The following IGFBP2 variants were observed in gnomAD, a reference collection of about 807,000 sequenced individuals.
IGFBP2 encodes the protein insulin like growth factor binding protein 2.
Under a neutral mutation model 26.2 loss-of-function variants are expected in IGFBP2, and 12 were observed. The ratio of observed to expected loss-of-function variants is 0.46; its 90% CI spans 0.29 to 0.74. The LOEUF (loss-of-function observed/expected upper bound fraction) is 0.74, where lower values mean the gene tolerates loss of function less well. Among genes scored for constraint, IGFBP2 ranks in the 30% least tolerant of loss-of-function variants. IGFBP2 has a pLI of 0.09. For missense variants in IGFBP2, 328 were observed against 441.2 expected, an observed-to-expected ratio of 0.74 and a Z score of 2.30; for synonymous variants, 189 against 200.6, an observed-to-expected ratio of 0.94 and a Z score of 0.49.
intron 1 of IGFBP2, among the ~76,000 whole-genome samples, chr2:216,656,838 G>A (rs1286967206): frequency 6.6e-6 from 1 of 152,210 alleles, no homozygotes; most frequent in Non-Finnish European, 1.5e-5. Context: ...ACAGATTGGA[G>A]AGTTCCAGAA....
intron 1 of IGFBP2, among the ~76,000 whole-genome samples, chr2:216,659,193 C>T (rs1327293081): frequency 1.3e-5 from 2 of 152,206 alleles, no homozygotes; most frequent in Non-Finnish European, 2.9e-5. Context: ...CTGGGCACGC[C>T]TTGACAGCAG....
intron 2 of IGFBP2, 63 bp downstream of exon 2, chr2:216,660,849 A>C: frequency 7.7e-7 from 1 of 1,304,376 alleles, no homozygotes; most frequent in Non-Finnish European, 1.1e-6. Flanking sequence ...TCTCAGCTGG[A>C]GGAGGGCATC....
At chr2:216,663,909 G>T in intron 3 of IGFBP2, 31 bp from the exon 4 acceptor site, 2 of 1,593,994 alleles carry the variant, frequency 1.3e-6, no homozygotes, top group Non-Finnish European at 1.7e-6. Flanking sequence ...CTGGCTGCGG[G>T]CTCCTCCATG....
rs373591856 is a variant in IGFBP2, at chr2:216,663,801, G to A, written c.814-139G>A. 8.9e-4 allele frequency: 684 copies of A among 765,002 alleles called. 11 individuals are homozygous for A. In the South Asian group the frequency reaches 0.011, roughly 12 times the overall value. 47.4% of individuals were successfully genotyped at this position (765,002 alleles called of 1,614,324 possible). ...CTGCATTTTATCAAGGTTTCCTGGC[G>A]CATATTTGAAGTTGCGAAGCTCCAC... On this transcript the variant is annotated intron_variant, in intron 3 of 3. Coordinates refer to ENST00000233809, the MANE Select transcript of IGFBP2 (RefSeq NM_000597.3).
chr2:216,649,578 A>C (rs986986715), intron 1 of IGFBP2, among the ~76,000 whole-genome samples: 1 of 152,176 alleles, frequency 6.6e-6, no homozygotes, highest in Admixed American at 6.5e-5. Context: ...AATGTTTGGG[A>C]CCCGTGGAAA....
In IGFBP2 at chr2:216,647,721, C is replaced by T. The variant is rs747940767; in HGVS notation, c.443-12836C>T. 1.6e-4 allele frequency among the ~76,000 whole-genome samples: 25 copies of T among 152,238 alleles called. No homozygotes were observed. The South Asian group carries it at 1.7e-3, about 10-fold the overall frequency. On this transcript the variant is annotated intron_variant, in intron 1 of 3. Coordinates refer to ENST00000233809, the MANE Select transcript of IGFBP2 (RefSeq NM_000597.3). The stretch of plus-strand genomic sequence containing the variant: ...TTTTTTAGTAGAGACGGGGTTTCAC[C>T]ATGTTAGCCAGGATGGTCTCGATTT...
At chr2:216,646,923 AGC>A in intron 1 of IGFBP2, among the ~76,000 whole-genome samples, 1 of 152,204 alleles carries the variant, frequency 6.6e-6, no homozygotes, top group East Asian at 1.9e-4. Flanking sequence ...ACATTAATTG[AGC>A]ACATGCTGTG....
At chr2:216,639,131 C>T (rs371576425) in intron 1 of IGFBP2, among the ~76,000 whole-genome samples, 17 of 149,728 alleles carry the variant, frequency 1.1e-4, no homozygotes, top group African/African-American at 4.2e-4. Context: ...TTCCTGGGTT[C>T]ACGCCATTGT....
At chr2:216,660,900 C>T (rs1383689884) in intron 2 of IGFBP2, 114 bp downstream of exon 2, 1 of 765,664 alleles carries the variant, frequency 1.3e-6, no homozygotes, top group East Asian at 2.7e-5. Context: ...AGGCAAAGCA[C>T]TTTTCTTTCC....
intron 1 of IGFBP2, among the ~76,000 whole-genome samples, chr2:216,644,581 A>G (rs1343313475): frequency 6.6e-6 from 1 of 152,088 alleles, no homozygotes; most frequent in East Asian, 1.9e-4. Flanking sequence ...GGAGTGATTC[A>G]GGTTGGACTC....
At chr2:216,653,803 T>A (rs1371342186) in intron 1 of IGFBP2, among the ~76,000 whole-genome samples, 1 of 152,144 alleles carries the variant, frequency 6.6e-6, no homozygotes, top group Non-Finnish European at 1.5e-5. Flanking sequence ...AAGCTTGACC[T>A]TCTATATGTG....
At chr2:216,635,124 G>A (rs1360586272) in intron 1 of IGFBP2, among the ~76,000 whole-genome samples, 1 of 151,974 alleles carries the variant, frequency 6.6e-6, no homozygotes, top group African/African-American at 2.4e-5. Flanking sequence ...GCACCAACCC[G>A]CCTCCCTTCT....
Position 216,660,623 on chromosome 2 carries a change from TGGGCGG to T in IGFBP2, c.513_518del (p.Gly173_Gly174del), listed in dbSNP as rs1406751607. ...CACGTGGACAGCACCATGAACATGT[TGGGCGG>T]GGGAGGCAGTGCTGGCCGGAAGCCC... On this transcript the variant is annotated inframe_deletion, in exon 2 of 4. Coordinates refer to ENST00000233809, the MANE Select transcript of IGFBP2 (RefSeq NM_000597.3). 3.1e-6 allele frequency: 5 copies of T among 1,613,918 alleles called. No individual in the cohort carries two copies. The highest frequency in any genetic ancestry group is 4.2e-6 in the Non-Finnish European group (5 of 1,179,992).
intron 2 of IGFBP2, 151 bp from the exon 3 acceptor site, chr2:216,661,707 G>A: frequency 1.2e-6 from 1 of 858,790 alleles, no homozygotes; most frequent in Non-Finnish European, 1.9e-6. Context: ...CCCCGGGCAG[G>A]CTGTCAGAAG....
At chr2:216,663,389 TGCTTA>T (rs1559181697) in intron 3 of IGFBP2, 3 of 152,344 alleles carry the variant, frequency 2.0e-5, no homozygotes, top group Non-Finnish European at 2.9e-5. Flanking sequence ...TTGGGCAAGT[TGCTTA>T]GCCCATCTGT....
chr2:216,640,647 G>A (rs1249152666), intron 1 of IGFBP2, among the ~76,000 whole-genome samples: 1 of 152,156 alleles, frequency 6.6e-6, no homozygotes, highest in Non-Finnish European at 1.5e-5. Flanking sequence ...TCAGCGATAC[G>A]AAAATGCTGA....
At chr2:216,634,684 A>G (rs1024056049) in intron 1 of IGFBP2, among the ~76,000 whole-genome samples, 1 of 152,146 alleles carries the variant, frequency 6.6e-6, no homozygotes, top group East Asian at 1.9e-4. Flanking sequence ...CATTCCCTGG[A>G]CGGGGGCAGC....
rs372665453 is a variant in IGFBP2, at chr2:216,663,927, C to T, written c.814-13C>T. ...GCTGCGGGCTCCTCCATGCTCTTCTCCTCTCTCCCCAGTGCAAGATGTCTC... is the reference window on the plus strand; with the variant it reads ...GCTGCGGGCTCCTCCATGCTCTTCTTCTCTCTCCCCAGTGCAAGATGTCTC... On this transcript the variant is annotated splice_polypyrimidine_tract_variant and intron_variant, in intron 3 of 3. Coordinates refer to ENST00000233809, the MANE Select transcript of IGFBP2 (RefSeq NM_000597.3). The T allele has an allele frequency of 5.6e-6, 9 of 1,612,064 alleles. No individual in the cohort carries two copies. The highest frequency in any genetic ancestry group is 2.2e-5 in the South Asian group (2 of 90,676).
rs1288195606 is a variant in IGFBP2, at chr2:216,659,823, C to T, written c.443-734C>T. Reference sequence around the variant, plus strand: ...CTCAGTATAATGGGGTTGGGGTGGGCTGCACAGACAGACTTGGGAACGAGG... The same window carrying T: ...CTCAGTATAATGGGGTTGGGGTGGGTTGCACAGACAGACTTGGGAACGAGG... On this transcript the variant is annotated intron_variant, in intron 1 of 3. Transcript: ENST00000233809. The T allele has an allele frequency of 6.0e-6, 7 of 1,164,168 alleles. No homozygotes were observed. In the Admixed American group the frequency reaches 1.4e-4, roughly 23 times the overall value. The allele number at this position is 1,164,168 out of a possible 1,614,324, so 72.1% of individuals were successfully genotyped here. A position where few individuals can be genotyped will look rare whatever the true frequency, so the allele number is the denominator to read the frequency against.
Sources: allele counts gnomAD v4.1 joint callset (sites outside exome capture counted in the v4.1 genomes callset), GRCh38; gene constraint gnomAD v4.1.1; transcripts MANE v1.5; gene names NCBI Gene and HGNC (gene_info 2026-07-23, HGNC 2026-07-21).